Variants in SNX29 observed in about 807,000 individuals in gnomAD.
The protein encoded by SNX29 is sorting nexin 29.
SNX29 carries 78 observed loss-of-function variants against 102.1 expected under a neutral mutation model. The ratio of observed to expected loss-of-function variants is 0.76; its 90% CI spans 0.64 to 0.92. SNX29 has a LOEUF of 0.92. Ranked by LOEUF, SNX29 falls within the 40% of genes least tolerant of loss-of-function variation. The probability of loss-of-function intolerance (pLI) is 0.00; values close to 1 mark genes in which losing one functional copy is unlikely to be tolerated. For synonymous variants in SNX29, 580 were observed against 414.5 expected (o/e 1.40, Z -4.85); for missense variants, 1,280 against 1,061.7 (o/e 1.21, Z -2.86).
intron 18 of SNX29, among the ~76,000 whole-genome samples, chr16:12,475,401 T>A (rs1054483431): frequency 2.6e-5 from 4 of 152,232 alleles, no homozygotes; most frequent in Non-Finnish European, 5.9e-5. Flanking sequence ...GTTATCAAAC[T>A]CTTTTTGTAA....
At chr16:12,421,031 C>G (rs2151586508) in intron 18 of SNX29, among the ~76,000 whole-genome samples, 1 of 152,304 alleles carries the variant, frequency 6.6e-6, no homozygotes, top group East Asian at 1.9e-4. Context: ...ATCCTCATGC[C>G]AGCCCGAGAC....
chr16:12,426,783 G>A (rs545375489), intron 18 of SNX29, among the ~76,000 whole-genome samples: 76 of 152,198 alleles, frequency 5.0e-4, no homozygotes, highest in African/African-American at 1.8e-3. Flanking sequence ...CTTGTGCCTT[G>A]GCTACCTATG....
chr16:12,087,646 C>T (rs1445666669), intron 11 of SNX29: 4 of 358,998 alleles, frequency 1.1e-5, no homozygotes, highest in African/African-American at 2.1e-5. Context: ...AAGCAGCCGT[C>T]ATTATGCGAG....
At chr16:12,419,573 C>CG (rs879933721) in intron 18 of SNX29, among the ~76,000 whole-genome samples, 1 of 149,142 alleles carries the variant, frequency 6.7e-6, no homozygotes, top group African/African-American at 2.5e-5. Context: ...CCCCCCCCCC[C>CG]ATCTTTCTGT....
intron 20 of SNX29, among the ~76,000 whole-genome samples, chr16:12,564,676 A>G (rs1006881129): frequency 1.3e-5 from 2 of 152,108 alleles, no homozygotes; most frequent in Non-Finnish European, 2.9e-5. Flanking sequence ...TTGTCCACAC[A>G]TTCCTCTGTT....
intron 15 of SNX29, among the ~76,000 whole-genome samples, chr16:12,341,073 A>G (rs1228092072): frequency 1.3e-5 from 2 of 152,238 alleles, no homozygotes; most frequent in Non-Finnish European, 2.9e-5. Context: ...AGGACCAAGA[A>G]GAGTGTCTGG....
chr16:12,526,709 T>A (rs2076793427), intron 20 of SNX29: 1 of 487,792 alleles, frequency 2.1e-6, no homozygotes, highest in Admixed American at 2.7e-5. Context: ...AGTTAGCCAG[T>A]TGTTCCTAAG....
In SNX29 at chr16:12,570,480, C is replaced by T. The variant is rs115897036; in HGVS notation, c.*1851C>T. The stretch of plus-strand genomic sequence containing the variant: ...AGGAAACGTCTAAAAGCTCAATCTG[C>T]TGTATGTCATGACCCCTTAGGTTGG... On this transcript the variant is annotated 3_prime_UTR_variant, in exon 21 of 21. Transcript: ENST00000566228. The T allele has an allele frequency of 4.7e-3, 1,098 of 233,740 alleles. 14 individuals carry two copies. The highest frequency in any genetic ancestry group is 0.023 in the African/African-American group (1,045 of 45,434). The allele number at this position is 233,740 out of a possible 1,614,324, so 14.5% of individuals were successfully genotyped here.
At chr16:12,564,249 T>TTCC (rs1366822474) in intron 20 of SNX29, among the ~76,000 whole-genome samples, 1 of 152,174 alleles carries the variant, frequency 6.6e-6, no homozygotes, top group Non-Finnish European at 1.5e-5. Context: ...CTCTACTCAG[T>TTCC]TCCTTTGGTA....
chr16:12,206,814 GTTTTT>G (rs71139583), intron 14 of SNX29, among the ~76,000 whole-genome samples: 6 of 121,636 alleles, frequency 4.9e-5, no homozygotes, highest in Non-Finnish European at 1.0e-4. Context: ...GAATGAGGTG[GTTTTT>G]TTTTTTTTTT....
intron 14 of SNX29, among the ~76,000 whole-genome samples, chr16:12,230,759 G>GCAC (rs1168038511): frequency 2.0e-5 from 3 of 152,184 alleles, no homozygotes; most frequent in Non-Finnish European, 4.4e-5. Context: ...TATTTGGGCT[G>GCAC]CACGTTGGAG....
chr16:12,008,411 A>G (rs1025284383), intron 3 of SNX29, among the ~76,000 whole-genome samples: 1 of 151,996 alleles, frequency 6.6e-6, no homozygotes, highest in Non-Finnish European at 1.5e-5. Context: ...CTGGGATTAC[A>G]GGTGTGTACC....
At chr16:12,182,933 CAAAAAAAAAAA>C (rs575698544) in intron 13 of SNX29, among the ~76,000 whole-genome samples, 3 of 46,438 alleles carry the variant, frequency 6.5e-5, no homozygotes, top group Non-Finnish European at 1.3e-4. Flanking sequence ...GACTCTGTCT[CAAAAAAAAAAA>C]AAAAAAAAAA....
intron 20 of SNX29, among the ~76,000 whole-genome samples, chr16:12,550,976 A>T (rs1006274384): frequency 6.6e-6 from 1 of 152,192 alleles, no homozygotes; most frequent in Non-Finnish European, 1.5e-5. Context: ...AGGGCACAAC[A>T]AAAAGCTGTT....
chr16:12,356,615 A>C (rs2082144250), intron 16 of SNX29, among the ~76,000 whole-genome samples: 1 of 152,124 alleles, frequency 6.6e-6, no homozygotes, highest in Admixed American at 6.5e-5. Flanking sequence ...TGTGTTGTTA[A>C]CTTTTACCTA....
chr16:12,510,588 G>A (rs1049446847), intron 19 of SNX29, among the ~76,000 whole-genome samples: 6 of 151,976 alleles, frequency 3.9e-5, no homozygotes, highest in East Asian at 1.9e-4. Context: ...CAGGAGAATC[G>A]CTGGAACCCC....
At chr16:12,534,748 A>G (rs1293332584) in intron 20 of SNX29, among the ~76,000 whole-genome samples, 2 of 152,182 alleles carry the variant, frequency 1.3e-5, no homozygotes, top group Non-Finnish European at 2.9e-5. Flanking sequence ...ACTAAACCCA[A>G]GTGGCTTTCT....
intron 20 of SNX29, among the ~76,000 whole-genome samples, chr16:12,562,947 C>G (rs950562629): frequency 3.9e-5 from 6 of 152,158 alleles, no homozygotes; most frequent in Non-Finnish European, 7.3e-5. Context: ...TAGTAAGAAG[C>G]AAACATTCAC....
At chr16:12,532,640 AT>A (rs2076962770) in intron 20 of SNX29, among the ~76,000 whole-genome samples, 1 of 152,206 alleles carries the variant, frequency 6.6e-6, no homozygotes, top group Non-Finnish European at 1.5e-5. Context: ...ATTTCCTGAT[AT>A]AAAACGTGGA....
Sources: allele counts gnomAD v4.1 joint callset (sites outside exome capture counted in the v4.1 genomes callset), GRCh38; gene constraint gnomAD v4.1.1; transcripts MANE v1.5; gene names NCBI Gene and HGNC (gene_info 2026-07-23, HGNC 2026-07-21).